RNF139: variants seen among roughly 807,000 people sequenced by gnomAD.
RNF139 encodes the protein ring finger protein 139.
Under a neutral mutation model 49.5 loss-of-function variants are expected in RNF139, and 15 were observed. The observed-to-expected ratio is 0.30, with a 90% CI of 0.20 to 0.47. RNF139 has a LOEUF of 0.47. Ranked by LOEUF, RNF139 falls within the 20% of genes least tolerant of loss-of-function variation. The pLI is 1.00. For missense variants in RNF139, 619 were observed against 806.3 expected (o/e 0.77, Z 2.81); for synonymous variants, 325 against 300.9 (o/e 1.08, Z -0.83).
At chr8:124,482,093 T>C (rs1816423558) in intron 1 of RNF139, among the ~76,000 whole-genome samples, 1 of 152,154 alleles carries the variant, frequency 6.6e-6, no homozygotes, top group African/African-American at 2.4e-5. Context: ...TTAATCAGGA[T>C]AGAGTATTGT....
At chr8:124,481,298 T>C (rs62527886) in intron 1 of RNF139, among the ~76,000 whole-genome samples, 23,347 of 152,184 alleles carry the variant, frequency 0.15, 2,271 homozygotes, top group Admixed American at 0.24. Context: ...TTGAAATGTT[T>C]TTCCACAGGT....
Position 124,487,035 on chromosome 8 carries a change from C to T in RNF139, c.1386C>T (p.Tyr462=). 6.2e-7 allele frequency: 1 copy of T among 1,614,054 alleles called. No individual in the cohort carries two copies. ...GGGAAAAGCTTGACGATTATGTCTA[C>T]TACGTTCGTTCAACAGGCAGTATTA... ...VLWEKLDDYV[Y]YVRSTGSIIE... is the part of the protein sequence containing the mutation. The change falls in exon 2 of 2, where the codon TAC becomes TAT. Residue 462 remains tyrosine, a synonymous_variant. Coordinates refer to ENST00000303545, the MANE Select transcript of RNF139 (RefSeq NM_007218.4).
At chr8:124,482,961 AT>A (rs1816447823) in intron 1 of RNF139, among the ~76,000 whole-genome samples, 1 of 76,892 alleles carries the variant, frequency 1.3e-5, no homozygotes, top group Non-Finnish European at 2.8e-5. Context: ...TATATATAAT[AT>A]ATATATATTA....
Position 124,487,671 on chromosome 8 carries a change from G to C in RNF139, c.*27G>C, listed in dbSNP as rs776817513. On this transcript the variant is annotated 3_prime_UTR_variant, in exon 2 of 2. Transcript: ENST00000303545. ...GAAAATAGCATTTATTAATGATTGA[G>C]GTATTTGTTTAAAATTCAGTTCATC... The C allele has an allele frequency of 5.8e-6, 9 of 1,558,300 alleles. No individual in the cohort carries two copies. The highest frequency in any genetic ancestry group is 7.8e-6 in the Non-Finnish European group (9 of 1,154,450).
At chr8:124,481,963 C>T (rs373533668) in intron 1 of RNF139, among the ~76,000 whole-genome samples, 9 of 152,008 alleles carry the variant, frequency 5.9e-5, no homozygotes, top group African/African-American at 2.2e-4. Context: ...TAGGTAGGAA[C>T]GTGACTATAA....
At position 124,474,966 on chromosome 8, in the gene RNF139, G is replaced by T; in HGVS notation, c.-144G>T. On this transcript the variant is annotated 5_prime_UTR_variant, in exon 1 of 2. Transcript: ENST00000303545. This position sits in a 1 kb window ranked among gnomAD's most constrained non-coding sequence, Gnocchi z 4.6. The stretch of plus-strand genomic sequence containing the variant: ...TCCACCTCGAGGGACGCGAGCGGGC[G>T]GCGGGGCTGGCCGTGAGAGAGACAG... 1 of 452,700 alleles carries T rather than the reference G, an allele frequency of 2.2e-6. No homozygotes were observed. Among genetic ancestry groups the T allele is most frequent in the Non-Finnish European group, 3.4e-6 (1 of 291,288 alleles). The allele number at this position is 452,700 out of a possible 1,614,324, so 28.0% of individuals were successfully genotyped here. A position where few individuals can be genotyped will look rare whatever the true frequency, so the allele number is the denominator to read the frequency against.
chr8:124,487,101 T>C lies in RNF139; in HGVS notation c.1452T>C (p.Ala484=), dbSNP rs1816549122. 4 of 1,613,828 alleles carry C rather than the reference T, an allele frequency of 2.5e-6. No homozygotes were observed. The South Asian group carries it at 4.4e-5, about 18-fold the overall frequency. Residue 484 remains alanine, a synonymous_variant, in exon 2 of 2, where the codon GCT becomes GCC. Coordinates refer to ENST00000303545, the MANE Select transcript of RNF139 (RefSeq NM_007218.4). The part of the protein sequence containing the change: ...IFGVVMFGNG[A]YTMMFESGSK... ...GAGTTGTAATGTTTGGAAATGGGGC[T>C]TACACTATGATGTTTGAGTCGGGAA... is the stretch of plus-strand genomic sequence containing the variant.
At chr8:124,484,650 C>A (rs1293178133) in intron 1 of RNF139, among the ~76,000 whole-genome samples, 1 of 152,180 alleles carries the variant, frequency 6.6e-6, no homozygotes, top group Non-Finnish European at 1.5e-5. Flanking sequence ...ATTCAGATGT[C>A]ATTCCCATTG....
At position 124,487,220 on chromosome 8, in the gene RNF139, C is replaced by T; in HGVS notation, c.1571C>T (p.Thr524Ile). The T allele has an allele frequency of 1.2e-6, 2 of 1,613,906 alleles. No individual in the cohort carries two copies. The highest frequency in any genetic ancestry group is 1.7e-6 in the Non-Finnish European group (2 of 1,179,926). ...TGGAAGACATTTATGAATCGTAGGACTGCTGTGAAGAAAATTAATTCACTT... is the reference window on the plus strand; with the variant it reads ...TGGAAGACATTTATGAATCGTAGGATTGCTGTGAAGAAAATTAATTCACTT... ...NGWKTFMNRR[T>I]AVKKINSLPE... The change falls in exon 2 of 2, where the codon ACT becomes ATT. Residue 524 changes from threonine to isoleucine, a missense_variant. Thr to Ile is a moderately conservative substitution (Grantham distance 89). Transcript: ENST00000303545.
chr8:124,475,371 G>A (rs1206151896), intron 1 of RNF139, 81 bp downstream of exon 1: 5 of 1,407,406 alleles, frequency 3.6e-6, no homozygotes, highest in Non-Finnish European at 4.9e-6. Flanking sequence ...GCGCGCAGAG[G>A]CCATGGGTCG....
chr8:124,482,842 C>T lies in RNF139; in HGVS notation c.182-2989C>T, dbSNP rs1036151102. Among the ~76,000 whole-genome samples the T allele has an allele frequency of 4.7e-5, 7 of 147,622 alleles. No homozygotes were observed. In the East Asian group the frequency reaches 1.4e-3, roughly 30 times the overall value. ...TTGGGAGGCTGAAGCAGAAGAATCG[C>T]TTGAACCTGGGAGGCAGAGGTTGCA... On this transcript the variant is annotated intron_variant, in intron 1 of 1. Coordinates refer to ENST00000303545, the MANE Select transcript of RNF139 (RefSeq NM_007218.4).
At chr8:124,484,583 C>T (rs1816498535) in intron 1 of RNF139, among the ~76,000 whole-genome samples, 1 of 152,136 alleles carries the variant, frequency 6.6e-6, no homozygotes, top group Non-Finnish European at 1.5e-5. Context: ...TAGTTTAAGG[C>T]AAGTCGAGTT....
At chr8:124,477,544 GAAGT>G (rs1349821040) in intron 1 of RNF139, among the ~76,000 whole-genome samples, 1 of 152,192 alleles carries the variant, frequency 6.6e-6, no homozygotes, top group Non-Finnish European at 1.5e-5. Flanking sequence ...TGTGGTGGTA[GAAGT>G]ATTTACTCCC....
At chr8:124,483,040 TTTAAAAATATATCTA>T (rs1289891061) in intron 1 of RNF139, among the ~76,000 whole-genome samples, 2,691 of 67,850 alleles carry the variant, frequency 0.04, 203 homozygotes, top group Non-Finnish European at 0.056. Flanking sequence ...TATATATATA[TTTAAAAATATATCTA>T]TTAAAAATAT....
At chr8:124,483,777 G>T (rs191717174) in intron 1 of RNF139, among the ~76,000 whole-genome samples, 1 of 152,174 alleles carries the variant, frequency 6.6e-6, no homozygotes, top group Non-Finnish European at 1.5e-5. Context: ...GTACTCCAGG[G>T]TATGGTTTCT....
Position 124,486,795 on chromosome 8 carries a change from T to C in RNF139, c.1146T>C (p.His382=). 3 of 1,613,952 alleles carry C rather than the reference T, an allele frequency of 1.9e-6. No homozygotes were observed. Among genetic ancestry groups the C allele is most frequent in the East Asian group, 2.2e-5 (1 of 44,872 alleles). The change falls in exon 2 of 2, where the codon CAT becomes CAC. Residue 382 remains histidine (H), a synonymous_variant. Transcript: ENST00000303545. ...TATTAATGTCTCTCAGTGCCTCTCA[T>C]GTGTCATCTTTTCGTAGACATTTTC... The part of the protein sequence containing the change: ...DPVLMSLSAS[H]VSSFRRHFPV...
intron 1 of RNF139, among the ~76,000 whole-genome samples, chr8:124,478,574 C>T (rs113446645): frequency 6.0e-5 from 9 of 149,228 alleles, no homozygotes; most frequent in Non-Finnish European, 1.0e-4. Flanking sequence ...CGCCACTGCA[C>T]TCCAGCCTGG....
chr8:124,480,404 T>TAAACAA (rs767273423), intron 1 of RNF139, among the ~76,000 whole-genome samples: 1 of 89,056 alleles, frequency 1.1e-5, no homozygotes, highest in Middle Eastern at 7.4e-3. Context: ...ACTCCATCAC[T>TAAACAA]AAAAAAAAAA....
In RNF139 at chr8:124,481,051, T is replaced by G. The variant is rs996679825; in HGVS notation, c.182-4780T>G. Among the ~76,000 whole-genome samples, 3 of 152,212 alleles carry G rather than the reference T, an allele frequency of 2.0e-5. 1 individual carries two copies. Among genetic ancestry groups the G allele is most frequent in the Non-Finnish European group, 4.4e-5 (3 of 68,046 alleles). On this transcript the variant is annotated intron_variant, in intron 1 of 1. Transcript: ENST00000303545. ...ATTTTTGATAAAAGCATACTTATTA[T>G]AAGTTTAGTTTAAAAGCAAAAGTTT...
Sources: gnomAD v4.1 joint callset for allele counts (sites outside exome capture counted in the v4.1 genomes callset) on GRCh38, gnomAD v4.1.1 for gene constraint, Gnocchi (gnomAD v3.1) non-coding constraint, MANE v1.5 for transcripts, NCBI Gene and HGNC (gene_info 2026-07-23, HGNC 2026-07-21) for gene names.